Variants in MAN1A2 observed in about 807,000 individuals in gnomAD.
MAN1A2 encodes the protein mannosyl-oligosaccharide 1,2-alpha-mannosidase IB.
A neutral mutation model predicts 75.7 loss-of-function variants in MAN1A2; 26 were observed. The observed-to-expected ratio is 0.34, with a 90% CI of 0.25 to 0.48. MAN1A2 has a LOEUF of 0.48. Among genes scored for constraint, MAN1A2 ranks in the 20% least tolerant of loss-of-function variants. The probability of loss-of-function intolerance (pLI) is 0.99; values close to 1 mark genes in which losing one functional copy is unlikely to be tolerated. For missense variants in MAN1A2, 562 were observed against 775.5 expected, an observed-to-expected ratio of 0.72 and a Z score of 3.27; for synonymous variants, 247 against 264.6, an observed-to-expected ratio of 0.93 and a Z score of 0.65.
chr1:117,479,026 C>G (rs1650407019), intron 8 of MAN1A2, among the ~76,000 whole-genome samples: 1 of 151,724 alleles, frequency 6.6e-6, no homozygotes, highest in Non-Finnish European at 1.5e-5. Flanking sequence ...AACCCATCAC[C>G]TAGGTATTAA....
intron 8 of MAN1A2, among the ~76,000 whole-genome samples, chr1:117,486,300 T>G (rs1286092168): frequency 2.6e-5 from 4 of 151,912 alleles, no homozygotes; most frequent in Non-Finnish European, 5.9e-5. Context: ...ATTGGTTACT[T>G]TTTTGGTGGG....
At chr1:117,405,944 A>G (rs1647599900) in intron 3 of MAN1A2, among the ~76,000 whole-genome samples, 1 of 151,896 alleles carries the variant, frequency 6.6e-6, no homozygotes, top group Non-Finnish European at 1.5e-5. Context: ...CCTACTTGTC[A>G]TTTTTTTCTT....
Position 117,526,411 on chromosome 1 carries a change from TTATAA to T in MAN1A2, c.*3459_*3463del, listed in dbSNP as rs1441859766. On this transcript the variant is annotated 3_prime_UTR_variant, in exon 13 of 13. Coordinates refer to ENST00000356554, the MANE Select transcript of MAN1A2 (RefSeq NM_006699.5). ...AAATTAAAGAGGAAAAAGAAAAGGT[TTATAA>T]TATATTTTAAAACAATGTGTTACTG... is the stretch of plus-strand genomic sequence containing the variant. The T allele has an allele frequency of 1.3e-5, 2 of 151,742 alleles. No individual in the cohort carries two copies. The highest frequency in any genetic ancestry group is 1.9e-4 in the East Asian group (1 of 5,192). The allele number at this position is 151,742 out of a possible 1,614,324, so 9.4% of individuals were successfully genotyped here.
chr1:117,438,084 T>C (rs1311552226), intron 5 of MAN1A2, among the ~76,000 whole-genome samples: 1 of 152,202 alleles, frequency 6.6e-6, no homozygotes, highest in African/African-American at 2.4e-5. Flanking sequence ...TATACACATA[T>C]ACAGTCATGT....
chr1:117,384,736 T>G (rs892235860), intron 1 of MAN1A2, among the ~76,000 whole-genome samples: 3 of 152,166 alleles, frequency 2.0e-5, no homozygotes, highest in African/African-American at 7.2e-5. Context: ...TTCCTATATT[T>G]TGGGGGTTCT....
chr1:117,384,747 G>A (rs1191904704), intron 1 of MAN1A2, among the ~76,000 whole-genome samples: 1 of 152,068 alleles, frequency 6.6e-6, no homozygotes. Context: ...TGGGGGTTCT[G>A]TTGTTTAATG....
At position 117,393,547 on chromosome 1, in the gene MAN1A2, G is replaced by A. The variant is rs1653802556; in HGVS notation, c.303-8639G>A. Among the ~76,000 whole-genome samples the A allele has an allele frequency of 2.0e-5, 3 of 151,782 alleles. No homozygotes were observed. The South Asian group carries it at 6.2e-4, about 32-fold the overall frequency. Reference sequence around the variant, plus strand: ...TTCTTTTGAATATTATTAAAATATAGGATGTTTGAGAAGGCTATTTAATAT... The same window carrying A: ...TTCTTTTGAATATTATTAAAATATAAGATGTTTGAGAAGGCTATTTAATAT... On this transcript the variant is annotated intron_variant, in intron 1 of 12. Coordinates refer to ENST00000356554, the MANE Select transcript of MAN1A2 (RefSeq NM_006699.5).
At chr1:117,392,851 G>T (rs1340201412) in intron 1 of MAN1A2, among the ~76,000 whole-genome samples, 1 of 152,212 alleles carries the variant, frequency 6.6e-6, no homozygotes, top group East Asian at 1.9e-4. Flanking sequence ...TTAGTATTTT[G>T]TAGGTGCCAC....
intron 7 of MAN1A2, 89 bp from the exon 8 acceptor site, chr1:117,466,245 G>GGTCGC: frequency 2.4e-6 from 2 of 825,092 alleles, no homozygotes; most frequent in South Asian, 1.8e-5. Flanking sequence ...TGTAGATTCT[G>GGTCGC]AGTAAGAAAA....
At chr1:117,379,388 A>C (rs72689583) in intron 1 of MAN1A2, among the ~76,000 whole-genome samples, 11,616 of 152,270 alleles carry the variant, frequency 0.076, 497 homozygotes, top group Middle Eastern at 0.15. Context: ...ATATCTTGAC[A>C]TCAGATAGTG....
intron 6 of MAN1A2, among the ~76,000 whole-genome samples, chr1:117,458,442 A>G (rs1349100278): frequency 6.7e-6 from 1 of 148,826 alleles, no homozygotes; most frequent in African/African-American, 2.5e-5. Context: ...AATAAAATAT[A>G]ACATATTGAA....
chr1:117,491,222 A>G (rs180962875), intron 8 of MAN1A2, among the ~76,000 whole-genome samples: 1 of 152,220 alleles, frequency 6.6e-6, no homozygotes, highest in East Asian at 1.9e-4. Flanking sequence ...CTCATAGATG[A>G]AGAGAAGTCA....
intron 6 of MAN1A2, among the ~76,000 whole-genome samples, chr1:117,445,754 C>G (rs560796111): frequency 1.3e-5 from 2 of 151,048 alleles, no homozygotes; most frequent in Non-Finnish European, 3.0e-5. Context: ...CCCAAACTCC[C>G]GAGCTCAAGT....
At chr1:117,451,519 G>A (rs771573578) in intron 6 of MAN1A2, among the ~76,000 whole-genome samples, 10 of 152,168 alleles carry the variant, frequency 6.6e-5, no homozygotes, top group South Asian at 2.1e-4. Flanking sequence ...GCCAGGGGCC[G>A]AATGATGTGG....
chr1:117,425,133 A>C (rs1302832082), intron 5 of MAN1A2, among the ~76,000 whole-genome samples: 1 of 131,524 alleles, frequency 7.6e-6, no homozygotes, highest in African/African-American at 2.8e-5. Flanking sequence ...GGGGGAAGGA[A>C]GGGGAAAGGA....
intron 12 of MAN1A2, among the ~76,000 whole-genome samples, chr1:117,510,921 C>G (rs974900303): frequency 6.6e-6 from 1 of 152,028 alleles, no homozygotes; most frequent in Non-Finnish European, 1.5e-5. Context: ...TGTCCTTGCC[C>G]TCCTTTATTT....
rs141382163 is a variant in MAN1A2, at chr1:117,479,929, T to C, written c.1169-13218T>C. The stretch of plus-strand genomic sequence containing the variant: ...CCTGTTTCTTGTTTTGCTTTTAGGA[T>C]TTTTTAGGTGAATCTGGTGCATTGC... On this transcript the variant is annotated intron_variant, in intron 8 of 12. Coordinates refer to ENST00000356554, the MANE Select transcript of MAN1A2 (RefSeq NM_006699.5). Among the ~76,000 whole-genome samples the C allele has an allele frequency of 6.8e-3, 1,030 of 152,038 alleles. 5 individuals are homozygous for C. The highest frequency in any genetic ancestry group is 0.014 in the Middle Eastern group (4 of 294).
chr1:117,486,661 A>G (rs950007179), intron 8 of MAN1A2, among the ~76,000 whole-genome samples: 1 of 152,034 alleles, frequency 6.6e-6, no homozygotes, highest in African/African-American at 2.4e-5. Context: ...TTGATTTAAT[A>G]AAGTTCCTGG....
chr1:117,385,462 A>G (rs1241360493), intron 1 of MAN1A2, among the ~76,000 whole-genome samples: 1 of 151,950 alleles, frequency 6.6e-6, no homozygotes, highest in Admixed American at 6.6e-5. Context: ...ATTCCACCCT[A>G]TTCTCATCTA....
Sources: allele counts gnomAD v4.1 joint callset (sites outside exome capture counted in the v4.1 genomes callset), GRCh38; gene constraint gnomAD v4.1.1; transcripts MANE v1.5; gene names NCBI Gene and HGNC (gene_info 2026-07-23, HGNC 2026-07-21).